Variants in COL6A3 observed in about 807,000 individuals in gnomAD.
COL6A3 encodes collagen type VI alpha 3 chain.
In COL6A3, 137 loss-of-function variants were observed where a neutral mutation model predicts 274.1. That is an observed-to-expected ratio of 0.50 (90% confidence interval 0.44 to 0.58). The LOEUF is 0.58. COL6A3 is among the 20% of genes least tolerant of loss of function. The pLI, the probability that COL6A3 is intolerant of heterozygous loss-of-function variation, is 0.00. For missense variants in COL6A3, 3,950 were observed against 4,124.9 expected, an observed-to-expected ratio of 0.96 and a Z score of 1.16; for synonymous variants, 1,650 against 1,650.6, an observed-to-expected ratio of 1.00 and a Z score of 0.01.
At chr2:237,375,654 T>G (rs2077819508) in intron 7 of COL6A3, among the ~76,000 whole-genome samples, 1 of 152,222 alleles carries the variant, frequency 6.6e-6, no homozygotes, top group East Asian at 1.9e-4. Flanking sequence ...GTGATTCTTC[T>G]GCCTCAGCCT....
intron 22 of COL6A3, among the ~76,000 whole-genome samples, 174 bp downstream of exon 22, chr2:237,357,643 G>T (rs1221018679): frequency 6.6e-6 from 1 of 152,226 alleles, no homozygotes; most frequent in Non-Finnish European, 1.5e-5. Context: ...CTTGGCAAGG[G>T]TCACTCTGGT....
chr2:237,393,778 G>A (rs1260868568), intron 3 of COL6A3, among the ~76,000 whole-genome samples: 1 of 152,250 alleles, frequency 6.6e-6, no homozygotes. Context: ...ACTTAGCCCT[G>A]GAAGGAGAGC....
At chr2:237,367,309 T>G in intron 10 of COL6A3, 23 bp from the exon 11 acceptor site, 2 of 1,605,374 alleles carry the variant, frequency 1.2e-6, no homozygotes, top group Non-Finnish European at 1.7e-6. Context: ...AAAGTGAAAA[T>G]AAGGAGAGAT....
rs771548321 is a variant in COL6A3 at position 237,387,988 on chromosome 2, C to A, written c.906G>T (p.Lys302Asn). 2 of 1,614,088 alleles carry A rather than the reference C, an allele frequency of 1.2e-6. No individual in the cohort carries two copies. Among genetic ancestry groups the A allele is most frequent in the East Asian group, 4.5e-5 (2 of 44,896 alleles). ...TMFSLDTYST[K>N]AQVLGAVKAL... ...CTTTCACTGCACCCAGAACCTGGGC[C>A]TTGGTGGAGTAGGTGTCCAAGGAGA... The change falls in exon 4 of 44, where the codon AAG (lysine) becomes AAT (asparagine). Residue 302 changes from lysine to asparagine, a missense_variant. Lys to Asn is a moderately conservative substitution (Grantham distance 94). Coordinates refer to ENST00000295550, the MANE Select transcript of COL6A3 (RefSeq NM_004369.4).
Position 237,367,143 on chromosome 2 carries a change from G to C in COL6A3, c.5044C>G (p.Gln1682Glu). ...DGDSIQVGLV[Q>E]YNSDPTDEFF... ...TCGTCAGTGGGGTCAGAGTTGTACT[G>C]GACAAGCCCCACTTGGATGGAGTCG... Residue 1682 changes from glutamine (Q) to glutamate (E), a missense_variant, in exon 11 of 44, where the codon CAG (glutamine) becomes GAG (glutamate). By Grantham distance (29) the Gln-to-Glu change is conservative. Around this residue, in one of 5 missense-constraint regions of COL6A3, gnomAD observed 632 missense variants for 623.4 expected, o/e 1.01. Coordinates refer to ENST00000295550, the MANE Select transcript of COL6A3 (RefSeq NM_004369.4). 6.2e-7 allele frequency: 1 copy of C among 1,614,200 alleles called. No homozygotes were observed. Among genetic ancestry groups the C allele is most frequent in the Non-Finnish European group, 8.5e-7 (1 of 1,180,046 alleles).
chr2:237,362,632 C>A (rs760823981), intron 14 of COL6A3, among the ~76,000 whole-genome samples: 41 of 152,214 alleles, frequency 2.7e-4, no homozygotes, highest in Non-Finnish European at 5.6e-4. Context: ...TCCTCCCATT[C>A]TCATAGCCAC....
At chr2:237,403,302 C>T (rs1246446709) in intron 1 of COL6A3, among the ~76,000 whole-genome samples, 1 of 152,150 alleles carries the variant, frequency 6.6e-6, no homozygotes, top group African/African-American at 2.4e-5. Context: ...GAGATGGAGA[C>T]AGATGAAGCC....
At chr2:237,397,780 T>G (rs2078488298) in intron 1 of COL6A3, among the ~76,000 whole-genome samples, 1 of 152,256 alleles carries the variant, frequency 6.6e-6, no homozygotes, top group Non-Finnish European at 1.5e-5. Flanking sequence ...ATGAAAAATT[T>G]ATCCATTATG....
intron 16 of COL6A3, 45 bp from the exon 17 acceptor site, chr2:237,360,204 C>T: frequency 6.3e-7 from 1 of 1,581,242 alleles, no homozygotes; most frequent in Non-Finnish European, 8.7e-7. Flanking sequence ...AGCCCTTCAT[C>T]ACCCTTTCTC....
chr2:237,334,055 A>G (rs1700400751), intron 41 of COL6A3, among the ~76,000 whole-genome samples: 2 of 152,358 alleles, frequency 1.3e-5, no homozygotes, highest in South Asian at 2.1e-4. Flanking sequence ...AATAATTAAG[A>G]AAAGCTGTGA....
At chr2:237,357,791 G>T in intron 22 of COL6A3, 26 bp downstream of exon 22, 1 of 1,611,134 alleles carries the variant, frequency 6.2e-7, no homozygotes, top group South Asian at 1.1e-5. Flanking sequence ...AGTACAGGGA[G>T]AGTCTAGGAA....
chr2:237,332,748 C>T (rs1286358068), intron 42 of COL6A3, among the ~76,000 whole-genome samples: 1 of 152,162 alleles, frequency 6.6e-6, no homozygotes, highest in Non-Finnish European at 1.5e-5. Context: ...TTAAGCAAAG[C>T]CTATCAACTA....
intron 4 of COL6A3, 109 bp downstream of exon 4, chr2:237,387,473 A>T (rs1274871458): frequency 1.6e-5 from 25 of 1,516,974 alleles, no homozygotes; most frequent in Non-Finnish European, 2.2e-5. Flanking sequence ...GACTGTGGGT[A>T]CTTACAGCTT....
At chr2:237,410,297 TTTC>T (rs1367297492) in intron 1 of COL6A3, among the ~76,000 whole-genome samples, 1 of 147,984 alleles carries the variant, frequency 6.8e-6, no homozygotes, top group Non-Finnish European at 1.5e-5. Context: ...CAAAATTTCT[TTTC>T]TTTTTTTTTT....
intron 7 of COL6A3, among the ~76,000 whole-genome samples, chr2:237,375,257 G>A (rs2077807018): frequency 6.6e-6 from 1 of 152,162 alleles, no homozygotes; most frequent in Admixed American, 6.5e-5. Flanking sequence ...GGGGTAAGAG[G>A]GTCAGAGTTA....
intron 1 of COL6A3, among the ~76,000 whole-genome samples, chr2:237,403,876 C>T (rs2078657388): frequency 6.6e-6 from 1 of 151,950 alleles, no homozygotes; most frequent in Non-Finnish European, 1.5e-5. Flanking sequence ...CCCTCAAGCC[C>T]ATGCAACCCT....
rs142876356 is a variant in COL6A3 at position 237,377,319 on chromosome 2, G to A, written c.2523C>T (p.Leu841=). The A allele has an allele frequency of 1.2e-4, 189 of 1,600,776 alleles. No individual in the cohort carries two copies. The highest frequency in any genetic ancestry group is 1.4e-4 in the Non-Finnish European group (163 of 1,179,970). The change falls in exon 7 of 44, where the codon CTC becomes CTT. Residue 841 remains leucine, a synonymous_variant. Coordinates refer to ENST00000295550, the MANE Select transcript of COL6A3 (RefSeq NM_004369.4). ...CCACAAGATTGGCTGAGCCGTCAAA[G>A]AGGAACAGAATGTCTCGCTTGCTCT... is the stretch of plus-strand genomic sequence containing the variant. ...QPESKRDILF[L]FDGSANLVGQ...
chr2:237,325,840 C>T (rs1214076371), intron 42 of COL6A3, 116 bp from the exon 43 acceptor site: 1 of 863,310 alleles, frequency 1.2e-6, no homozygotes, highest in Non-Finnish European at 1.8e-6. Flanking sequence ...AAAAGAAGAG[C>T]TTCCAGGTGA....
At chr2:237,355,184 T>C in intron 23 of COL6A3, 3 of 496,624 alleles carry the variant, frequency 6.0e-6, no homozygotes, top group South Asian at 3.9e-5. Flanking sequence ...AATCACCCAA[T>C]GGAAGTTTTG....
Sources: allele counts gnomAD v4.1 joint callset (sites outside exome capture counted in the v4.1 genomes callset), GRCh38; gene constraint gnomAD v4.1.1; regional missense constraint gnomAD v4.1.1; transcripts MANE v1.5; gene names NCBI Gene and HGNC (gene_info 2026-07-23, HGNC 2026-07-21).